ARMC2: variants seen among roughly 807,000 people sequenced by gnomAD.
ARMC2 encodes the protein armadillo repeat containing 2.
A neutral mutation model predicts 90.3 loss-of-function variants in ARMC2; 67 were observed. That is an observed-to-expected ratio of 0.74 (90% CI 0.61 to 0.91). The LOEUF (loss-of-function observed/expected upper bound fraction) is 0.91. Among genes scored for constraint, ARMC2 ranks in the 40% least tolerant of loss-of-function variants. The pLI is 0.00. For synonymous variants in ARMC2, 393 were observed against 393.0 expected (o/e 1.00, Z 0.00); for missense variants, 920 against 1,030.9 (o/e 0.89, Z 1.47).
At chr6:108,880,717 C>G (rs1027736264) in intron 5 of ARMC2, among the ~76,000 whole-genome samples, 1 of 150,698 alleles carries the variant, frequency 6.6e-6, no homozygotes, top group African/African-American at 2.4e-5. Flanking sequence ...CTCCTTCCTT[C>G]CTTCCCCCTT....
chr6:108,874,663 C>T (rs1163247085), intron 4 of ARMC2, among the ~76,000 whole-genome samples: 9 of 152,050 alleles, frequency 5.9e-5, no homozygotes, highest in Non-Finnish European at 1.2e-4. Flanking sequence ...GAGGTGGGGA[C>T]CATGGAAGGT....
the ARMC2 span, among the ~76,000 whole-genome samples, chr6:109,049,385 G>C: frequency 6.6e-6 from 1 of 151,668 alleles, no homozygotes; most frequent in Non-Finnish European, 1.5e-5. Flanking sequence ...GGGAAGAGTA[G>C]GGGGAAAGGG....
chr6:109,002,489 T>C, the ARMC2 span: 1 of 616,010 alleles, frequency 1.6e-6, no homozygotes, highest in African/African-American at 1.8e-5. Flanking sequence ...ACATACCAAC[T>C]CTTCTGTTAG....
At chr6:108,924,411 G>C (rs927247287) in intron 10 of ARMC2, among the ~76,000 whole-genome samples, 1 of 152,084 alleles carries the variant, frequency 6.6e-6, no homozygotes, top group Non-Finnish European at 1.5e-5. Context: ...CCAGCTACTC[G>C]GGAGGCTGAG....
the ARMC2 span, among the ~76,000 whole-genome samples, chr6:109,045,485 C>T: frequency 6.6e-6 from 1 of 152,204 alleles, no homozygotes; most frequent in Non-Finnish European, 1.5e-5. Context: ...TGCATCTCTG[C>T]CTATGTCTCC....
chr6:108,926,337 T>G (rs1040192410), intron 10 of ARMC2, among the ~76,000 whole-genome samples: 2 of 152,188 alleles, frequency 1.3e-5, no homozygotes, highest in Non-Finnish European at 2.9e-5. Flanking sequence ...CTGGGCTGTC[T>G]CAGGAGAACA....
downstream of ARMC2, among the ~76,000 whole-genome samples, chr6:108,978,189 G>A (rs1779022393): frequency 6.6e-6 from 1 of 152,092 alleles, no homozygotes; most frequent in African/African-American, 2.4e-5. Context: ...AGAGATTCCG[G>A]TACATTGTGT....
the ARMC2 span, among the ~76,000 whole-genome samples, chr6:109,022,049 AT>A: frequency 2.0e-3 from 289 of 147,280 alleles, no homozygotes; most frequent in East Asian, 7.7e-3. Flanking sequence ...TGTGCCAGGC[AT>A]TTTTTTTTTT....
chr6:109,039,888 G>C, the ARMC2 span, among the ~76,000 whole-genome samples: 1 of 152,206 alleles, frequency 6.6e-6, no homozygotes, highest in African/African-American at 2.4e-5. Context: ...AGCAGGATGG[G>C]AGAGAGGAGA....
At chr6:109,046,336 T>C in the ARMC2 span, among the ~76,000 whole-genome samples, 2 of 151,738 alleles carry the variant, frequency 1.3e-5, no homozygotes, top group South Asian at 2.1e-4. Context: ...CCGCCAGCCT[T>C]GGCCTCCCGA....
intron 12 of ARMC2, among the ~76,000 whole-genome samples, chr6:108,948,327 C>T (rs914504424): frequency 6.6e-6 from 1 of 151,954 alleles, no homozygotes; most frequent in African/African-American, 2.4e-5. Flanking sequence ...CAAGCCCTGG[C>T]ATGGAGATAA....
At chr6:109,041,313 A>G in the ARMC2 span, among the ~76,000 whole-genome samples, 1 of 152,024 alleles carries the variant, frequency 6.6e-6, no homozygotes, top group African/African-American at 2.4e-5. Context: ...AAAACTAAAT[A>G]AATAATAATT....
intron 10 of ARMC2, among the ~76,000 whole-genome samples, chr6:108,924,521 C>G (rs1386707934): frequency 6.6e-6 from 1 of 151,990 alleles, no homozygotes; most frequent in East Asian, 1.9e-4. Context: ...CAGGAGATGG[C>G]CCGGGGGAGA....
chr6:108,988,789 CTT>C, the ARMC2 span: 11 of 932,636 alleles, frequency 1.2e-5, no homozygotes, highest in African/African-American at 1.5e-4. Flanking sequence ...TTTTTTCTCT[CTT>C]TGTGTAGGCA....
At chr6:108,870,781 G>A (rs946170995) in intron 4 of ARMC2, among the ~76,000 whole-genome samples, 7 of 152,060 alleles carry the variant, frequency 4.6e-5, no homozygotes, top group African/African-American at 1.2e-4. Flanking sequence ...ACTGCCAGTC[G>A]ATCTGATATT....
Position 108,910,934 on chromosome 6 carries a change from C to G in ARMC2, c.1059C>G (p.Cys353Trp), listed in dbSNP as rs887570242. Residue 353 changes from cysteine (C) to tryptophan (W), a missense_variant, in exon 9 of 18, where the codon TGC (cysteine) becomes TGG (tryptophan). By Grantham distance (215) the Cys-to-Trp change is radical. Transcript: ENST00000392644. ...KVSRKNLLNV[C>W]KLIFKISRNE... ...GTAGAAAGAATCTTCTTAATGTCTG[C>G]AAACTTATATTTAAAATTAGCAGGA... 3.8e-6 allele frequency: 6 copies of G among 1,578,938 alleles called. No homozygotes were observed. The Admixed American group carries it at 8.9e-5, about 24-fold the overall frequency.
chr6:108,922,077 C>G (rs1253257340), intron 10 of ARMC2, among the ~76,000 whole-genome samples: 2 of 152,126 alleles, frequency 1.3e-5, no homozygotes, highest in African/African-American at 4.8e-5. Flanking sequence ...TCCTTGAGGA[C>G]AGAGTACTCT....
At chr6:108,997,616 T>C in the ARMC2 span, among the ~76,000 whole-genome samples, 1 of 152,192 alleles carries the variant, frequency 6.6e-6, no homozygotes, top group Non-Finnish European at 1.5e-5. Flanking sequence ...ACAATAACTT[T>C]GTGTTTTACT....
At chr6:109,022,264 A>G in the ARMC2 span, among the ~76,000 whole-genome samples, 1 of 152,186 alleles carries the variant, frequency 6.6e-6, no homozygotes. Flanking sequence ...AGGTAAATGA[A>G]TGCCAATTGA....
Sources: gnomAD v4.1 joint callset for allele counts (sites outside exome capture counted in the v4.1 genomes callset) on GRCh38, gnomAD v4.1.1 for gene constraint, MANE v1.5 for transcripts, NCBI Gene and HGNC (gene_info 2026-07-23, HGNC 2026-07-21) for gene names.